Variants in CTNNA2 observed in about 807,000 individuals in gnomAD.
CTNNA2 encodes the protein catenin alpha 2.
A neutral mutation model predicts 101.0 loss-of-function variants in CTNNA2; 42 were observed. That is an observed-to-expected ratio of 0.42 (90% CI 0.32 to 0.54). The LOEUF (loss-of-function observed/expected upper bound fraction) is 0.54, where lower values mean the gene tolerates loss of function less well. Ranked by LOEUF, CTNNA2 falls within the 20% of genes least tolerant of loss-of-function variation. CTNNA2 has a pLI of 0.14. For missense variants in CTNNA2, 871 were observed against 1,223.1 expected, an observed-to-expected ratio of 0.71 and a Z score of 4.29; for synonymous variants, 450 against 456.4, an observed-to-expected ratio of 0.99 and a Z score of 0.18.
At chr2:80,519,783 A>C (rs192375640) in intron 9 of CTNNA2, among the ~76,000 whole-genome samples, 99 of 152,328 alleles carry the variant, frequency 6.5e-4, no homozygotes, top group African/African-American at 2.1e-3. Context: ...TAGTTTGGGA[A>C]TAGCTCTACT....
intron 11 of CTNNA2, among the ~76,000 whole-genome samples, chr2:80,554,461 ATAAT>A (rs1307868371): frequency 2.6e-5 from 4 of 152,208 alleles, no homozygotes; most frequent in African/African-American, 9.6e-5. Context: ...TGTGTTGCTT[ATAAT>A]CAATAGAAAT....
At chr2:79,806,572 C>T (rs1676589619) in intron 3 of CTNNA2, among the ~76,000 whole-genome samples, 1 of 152,030 alleles carries the variant, frequency 6.6e-6, no homozygotes, top group Admixed American at 6.6e-5. Context: ...ACTTCCCTGC[C>T]ATCCTGAGCA....
chr2:80,277,109 G>T (rs1017441861), intron 7 of CTNNA2, among the ~76,000 whole-genome samples: 1 of 152,072 alleles, frequency 6.6e-6, no homozygotes, highest in Non-Finnish European at 1.5e-5. Flanking sequence ...CTAAATTTAA[G>T]ATTATAGATT....
chr2:79,768,470 G>A (rs566527049), intron 3 of CTNNA2, among the ~76,000 whole-genome samples: 15 of 151,634 alleles, frequency 9.9e-5, no homozygotes, highest in Non-Finnish European at 1.6e-4. Context: ...ATTGGTATCC[G>A]TGGCAGGGGT....
intron 9 of CTNNA2, among the ~76,000 whole-genome samples, chr2:80,458,956 T>C (rs974859): frequency 0.05 from 7,581 of 152,146 alleles, 614 homozygotes; most frequent in African/African-American, 0.17. Flanking sequence ...GATGTACAAT[T>C]AAAAAAATAT....
chr2:80,231,602 C>G (rs460954), intron 7 of CTNNA2, among the ~76,000 whole-genome samples: 99,366 of 151,978 alleles, frequency 0.65, 33,379 homozygotes, highest in African/African-American at 0.81. Flanking sequence ...CTTTCCTCCT[C>G]TTGGAGGTTA....
chr2:80,611,043 C>A (rs1055816606), intron 17 of CTNNA2, among the ~76,000 whole-genome samples: 3 of 151,010 alleles, frequency 2.0e-5, no homozygotes, highest in African/African-American at 7.3e-5. Context: ...CTGTCTCAAC[C>A]AAAAAGTGAC....
chr2:80,575,193 C>T (rs1239579416), intron 13 of CTNNA2: 1 of 151,690 alleles, frequency 6.6e-6, no homozygotes, highest in Non-Finnish European at 1.5e-5. Flanking sequence ...ATATTTGAAG[C>T]AGAGGTGGGG....
intron 9 of CTNNA2, among the ~76,000 whole-genome samples, chr2:80,453,398 G>T (rs116018398): frequency 0.011 from 1,634 of 151,756 alleles, 19 homozygotes; most frequent in Admixed American, 0.027. Flanking sequence ...ATCTGTTTGT[G>T]TTACTGGTAC....
At chr2:80,105,672 G>C (rs1371014413) in intron 7 of CTNNA2, among the ~76,000 whole-genome samples, 1 of 152,022 alleles carries the variant, frequency 6.6e-6, no homozygotes, top group Non-Finnish European at 1.5e-5. Context: ...GGAGGCTGCA[G>C]TGAGCCATGA....
intron 9 of CTNNA2, among the ~76,000 whole-genome samples, chr2:80,456,969 A>G (rs1684030639): frequency 6.6e-6 from 1 of 152,236 alleles, no homozygotes; most frequent in Non-Finnish European, 1.5e-5. Context: ...ATATTTCAAA[A>G]TAGCTTGAAG....
At chr2:80,146,784 G>A (rs1054281789) in intron 7 of CTNNA2, among the ~76,000 whole-genome samples, 6 of 125,414 alleles carry the variant, frequency 4.8e-5, no homozygotes, top group Non-Finnish European at 7.9e-5. Context: ...GACTGCAGTG[G>A]CACAATCTCG....
chr2:79,482,086 G>T (rs1034800057), intron 4 of CTNNA2, among the ~76,000 whole-genome samples: 8 of 152,164 alleles, frequency 5.3e-5, no homozygotes, highest in African/African-American at 1.9e-4. Flanking sequence ...AAAATACTAT[G>T]AATTAATTCA....
At chr2:79,741,605 T>C (rs1671292071) in intron 2 of CTNNA2, among the ~76,000 whole-genome samples, 1 of 152,188 alleles carries the variant, frequency 6.6e-6, no homozygotes, top group Non-Finnish European at 1.5e-5. Context: ...TTTCTGATCA[T>C]ATAAATGTAT....
chr2:79,539,358 A>G (rs901050350), intron 1 of CTNNA2, among the ~76,000 whole-genome samples: 1 of 152,220 alleles, frequency 6.6e-6, no homozygotes, highest in Non-Finnish European at 1.5e-5. Flanking sequence ...CGAGAAGGCC[A>G]TTGGAAATGC....
intron 4 of CTNNA2, among the ~76,000 whole-genome samples, chr2:79,503,276 G>A (rs1239119101): frequency 6.6e-6 from 1 of 152,086 alleles, no homozygotes; most frequent in African/African-American, 2.4e-5. Context: ...CTGTATTAGG[G>A]TAAAACAATA....
intron 1 of CTNNA2, among the ~76,000 whole-genome samples, chr2:79,632,220 A>G (rs997660946): frequency 3.9e-5 from 6 of 152,174 alleles, no homozygotes; most frequent in African/African-American, 1.4e-4. Flanking sequence ...CATAAAAAGA[A>G]CTCCAAAGAA....
chr2:79,336,026 A>G (rs190595266), intron 3 of CTNNA2, among the ~76,000 whole-genome samples: 2 of 152,246 alleles, frequency 1.3e-5, no homozygotes, highest in African/African-American at 2.4e-5. Context: ...TGCAAACAAA[A>G]CTCCATCTGA....
intron 7 of CTNNA2, among the ~76,000 whole-genome samples, chr2:80,067,484 G>C (rs1698063429): frequency 6.6e-6 from 1 of 151,950 alleles, no homozygotes; most frequent in South Asian, 2.1e-4. Flanking sequence ...GGTGTGATTT[G>C]TTTTATCTTT....
Sources: gnomAD v4.1 joint callset for allele counts (sites outside exome capture counted in the v4.1 genomes callset) on GRCh38, gnomAD v4.1.1 for gene constraint, MANE v1.5 for transcripts, NCBI Gene and HGNC (gene_info 2026-07-23, HGNC 2026-07-21) for gene names.